POLR3A: variants seen among roughly 807,000 people sequenced by gnomAD.
The protein encoded by POLR3A is RNA polymerase III subunit A.
Under a neutral mutation model 152.8 loss-of-function variants are expected in POLR3A, and 112 were observed. That is an observed-to-expected ratio of 0.73 (90% CI 0.63 to 0.86). The LOEUF (loss-of-function observed/expected upper bound fraction) is 0.86, where lower values mean the gene tolerates loss of function less well. POLR3A is among the 40% of genes least tolerant of loss of function. The probability of loss-of-function intolerance (pLI) is 0.00; values close to 1 mark genes in which losing one functional copy is unlikely to be tolerated. For synonymous variants in POLR3A, 615 were observed against 652.1 expected (o/e 0.94, Z 0.87); for missense variants, 1,385 against 1,743.1 (o/e 0.79, Z 3.66).
intron 21 of POLR3A, among the ~76,000 whole-genome samples, chr10:77,990,617 ATT>A (rs751268930): frequency 8.7e-5 from 12 of 138,020 alleles, no homozygotes; most frequent in Non-Finnish European, 7.9e-5. Flanking sequence ...ACTGCCTGTC[ATT>A]TTTTTTTTTT....
At chr10:78,002,415 C>T (rs1847366307) in intron 16 of POLR3A, 107 bp from the exon 17 acceptor site, 3 of 799,844 alleles carry the variant, frequency 3.8e-6, no homozygotes, top group Admixed American at 2.0e-5. Context: ...AGGCAAGATG[C>T]CCGATTTCCG....
Position 78,029,488 on chromosome 10 carries a change from C to T in POLR3A, c.-81G>A. 7.0e-7 allele frequency: 1 copy of T among 1,427,060 alleles called. No homozygotes were observed. The highest frequency in any genetic ancestry group is 1.1e-5 in the South Asian group (1 of 87,036). 88.4% of individuals were successfully genotyped at this position (1,427,060 alleles called of 1,614,324 possible). ...ATGCCCCCAGCACCTCCTGGGGCTGCTTCTGGACTCGCCGCTAACACATCT... is the reference window on the plus strand; with the variant it reads ...ATGCCCCCAGCACCTCCTGGGGCTGTTTCTGGACTCGCCGCTAACACATCT... On this transcript the variant is annotated 5_prime_UTR_variant, in exon 1 of 31. Transcript: ENST00000372371.
intron 8 of POLR3A, among the ~76,000 whole-genome samples, chr10:78,020,777 G>A (rs1004109236): frequency 6.6e-6 from 1 of 152,156 alleles, no homozygotes; most frequent in Admixed American, 6.6e-5. Flanking sequence ...GACAGAGCGA[G>A]ACTCCACCTC....
chr10:78,019,458 T>A (rs560846772), intron 8 of POLR3A, 193 bp from the exon 9 acceptor site: 6 of 607,586 alleles, frequency 9.9e-6, no homozygotes, highest in African/African-American at 5.5e-5. Flanking sequence ...CAGCTTCCAG[T>A]GTCAACTCAG....
intron 11 of POLR3A, among the ~76,000 whole-genome samples, chr10:78,011,884 T>C (rs1043213777): frequency 6.6e-6 from 1 of 152,198 alleles, no homozygotes; most frequent in African/African-American, 2.4e-5. Flanking sequence ...CCTTGGAGAC[T>C]TTGTTTTATT....
intron 2 of POLR3A, 113 bp downstream of exon 2, chr10:78,025,981 G>A (rs1847630414): frequency 9.6e-6 from 13 of 1,360,308 alleles, no homozygotes; most frequent in Non-Finnish European, 1.4e-5. Context: ...TCTAATATGT[G>A]CAGGGGGGAA....
chr10:78,010,622 T>C (rs1847458408), intron 11 of POLR3A, 82 bp from the exon 12 acceptor site: 1 of 993,064 alleles, frequency 1.0e-6, no homozygotes, highest in African/African-American at 1.6e-5. Flanking sequence ...GGTTTTTGAA[T>C]AGTTATGAAC....
chr10:77,986,144 T>C lies in POLR3A; in HGVS notation c.2917A>G (p.Ile973Val), dbSNP rs776419971. 6.5e-7 allele frequency: 1 copy of C among 1,547,502 alleles called. No individual in the cohort carries two copies. Among genetic ancestry groups the C allele is most frequent in the East Asian group, 2.2e-5 (1 of 44,554 alleles). The change falls in exon 22 of 31, where the codon ATT becomes GTT. Residue 973 changes from isoleucine (I) to valine (V), a missense_variant. This residue lies in a region of POLR3A where 178 missense variants were observed against 204.6 expected (regional missense o/e 0.87). Transcript: ENST00000372371. ...DSFLQEIKKF[I>V]KGVSEKIKKT... is the part of the protein sequence containing the mutation. ...TTGATCTTCTCAGAGACCCCCTTAA[T>C]GAATTTTTTTATTTCCTGAAAGATT...
chr10:78,016,201 G>C (rs1466551060), intron 10 of POLR3A, among the ~76,000 whole-genome samples: 2 of 152,144 alleles, frequency 1.3e-5, no homozygotes, highest in Non-Finnish European at 2.9e-5. Context: ...TAAGGTCTTA[G>C]TTGGAGGATT....
At chr10:77,981,406 C>CG (rs1564612882) in intron 29 of POLR3A, 22 bp downstream of exon 29, 1 of 1,613,030 alleles carries the variant, frequency 6.2e-7, no homozygotes, top group Non-Finnish European at 8.5e-7. Flanking sequence ...CCAGGCAGCC[C>CG]GGGGGCCTCC....
intron 10 of POLR3A, among the ~76,000 whole-genome samples, chr10:78,017,015 T>A (rs1394315347): frequency 6.6e-6 from 1 of 152,148 alleles, no homozygotes; most frequent in East Asian, 1.9e-4. Flanking sequence ...GTATGAATAT[T>A]ACGTTGCAAA....
chr10:78,023,149 A>T (rs1447988027), intron 5 of POLR3A, among the ~76,000 whole-genome samples: 1 of 150,382 alleles, frequency 6.6e-6, no homozygotes, highest in Admixed American at 6.7e-5. Context: ...TAAGAGTGAA[A>T]TTCCATCTAA....
chr10:77,993,084 G>A (rs1173009778), intron 20 of POLR3A, 113 bp downstream of exon 20: 2 of 857,520 alleles, frequency 2.3e-6, no homozygotes, highest in East Asian at 2.4e-5. Flanking sequence ...CAGTGCTTGG[G>A]ATTATAAATA....
chr10:78,015,600 A>G (rs1289102407), intron 10 of POLR3A, among the ~76,000 whole-genome samples: 1 of 151,898 alleles, frequency 6.6e-6, no homozygotes, highest in Non-Finnish European at 1.5e-5. Flanking sequence ...CTGGGATTAC[A>G]GGCATGAGCC....
At chr10:78,027,667 C>T (rs1266365217) in intron 1 of POLR3A, among the ~76,000 whole-genome samples, 2 of 150,876 alleles carry the variant, frequency 1.3e-5, no homozygotes, top group African/African-American at 5.0e-5. Context: ...TCTCCTGCCT[C>T]AGACTCCCAA....
intron 21 of POLR3A, among the ~76,000 whole-genome samples, chr10:77,988,317 T>G (rs1212855802): frequency 2.0e-5 from 3 of 151,316 alleles, no homozygotes; most frequent in Admixed American, 2.0e-4. Context: ...AGGTCAGGAG[T>G]TGGAGACCAG....
chr10:78,020,318 C>T (rs890711714), intron 8 of POLR3A: 3 of 152,020 alleles, frequency 2.0e-5, no homozygotes, highest in Non-Finnish European at 4.4e-5. Flanking sequence ...AGAATCCCAT[C>T]TCTAAAAAAT....
chr10:77,997,840 C>T (rs1055348755), intron 19 of POLR3A, among the ~76,000 whole-genome samples: 10 of 151,740 alleles, frequency 6.6e-5, no homozygotes, highest in Non-Finnish European at 1.0e-4. Flanking sequence ...GAGCCCACAT[C>T]GCCAAGTCAA....
At chr10:77,993,929 G>C (rs1452873481) in intron 19 of POLR3A, among the ~76,000 whole-genome samples, 1 of 152,134 alleles carries the variant, frequency 6.6e-6, no homozygotes, top group Non-Finnish European at 1.5e-5. Context: ...ATGCTATGGT[G>C]GCTCAGTGAA....
Sources: allele counts gnomAD v4.1 joint callset (sites outside exome capture counted in the v4.1 genomes callset), GRCh38; gene constraint gnomAD v4.1.1; regional missense constraint gnomAD v4.1.1; transcripts MANE v1.5; gene names NCBI Gene and HGNC (gene_info 2026-07-23, HGNC 2026-07-21).